The following MAP3K20 variants were observed in gnomAD, a reference collection of about 807,000 sequenced individuals.
The protein encoded by MAP3K20 is mitogen-activated protein kinase kinase kinase 20.
In MAP3K20, 40 loss-of-function variants were observed where a neutral mutation model predicts 85.7. That is an observed-to-expected ratio of 0.47 (90% CI 0.36 to 0.61). The LOEUF (loss-of-function observed/expected upper bound fraction) is 0.61. Among genes scored for constraint, MAP3K20 ranks in the 20% least tolerant of loss-of-function variants. The pLI is 0.00. For missense variants in MAP3K20, 817 were observed against 961.7 expected, an observed-to-expected ratio of 0.85 and a Z score of 1.99; for synonymous variants, 325 against 327.7, an observed-to-expected ratio of 0.99 and a Z score of 0.09.
At chr2:173,239,762 A>AG (rs201079915) in intron 16 of MAP3K20, among the ~76,000 whole-genome samples, 1,748 of 152,302 alleles carry the variant, frequency 0.011, 24 homozygotes, top group South Asian at 0.044. Flanking sequence ...TGGACAGGGA[A>AG]GGGGGGCCGT....
chr2:173,223,987 T>C, intron 11 of MAP3K20: 1 of 985,404 alleles, frequency 1.0e-6, no homozygotes. Context: ...CAACACATAT[T>C]CATAGAGCTC....
chr2:173,225,143 A>C (rs1481426528), intron 11 of MAP3K20: 7 of 984,772 alleles, frequency 7.1e-6, no homozygotes, highest in South Asian at 4.7e-5. Flanking sequence ...CTCCCTAGTC[A>C]TTCTCAACTG....
chr2:173,267,684 T>A lies in MAP3K20; in HGVS notation c.*934T>A, dbSNP rs1440507366. 1 of 152,166 alleles carries A rather than the reference T, an allele frequency of 6.6e-6. No individual in the cohort carries two copies. The highest frequency in any genetic ancestry group is 6.5e-5 in the Admixed American group (1 of 15,278). The allele number at this position is 152,166 out of a possible 1,614,324, so 9.4% of individuals were successfully genotyped here. A position where few individuals can be genotyped will look rare whatever the true frequency, so the allele number is the denominator to read the frequency against. ...GCAAAGAGGATAAAACAACACTCCA[T>A]AAAGGCCTCTTGGGATGTCAGAAAT... On this transcript the variant is annotated 3_prime_UTR_variant, in exon 20 of 20. Coordinates refer to ENST00000375213, the MANE Select transcript of MAP3K20 (RefSeq NM_016653.3).
intron 3 of MAP3K20, among the ~76,000 whole-genome samples, chr2:173,181,229 C>T (rs568429998): frequency 6.6e-6 from 1 of 152,164 alleles, no homozygotes; most frequent in South Asian, 2.1e-4. Flanking sequence ...AAAAAACAGA[C>T]AATACTGCTG....
intron 2 of MAP3K20, among the ~76,000 whole-genome samples, chr2:173,133,488 G>C (rs1468113940): frequency 6.6e-6 from 1 of 152,160 alleles, no homozygotes; most frequent in Non-Finnish European, 1.5e-5. Flanking sequence ...CATAAATTAA[G>C]AGATAGTTGA....
At chr2:173,090,188 A>G (rs886287763) in intron 1 of MAP3K20, among the ~76,000 whole-genome samples, 11 of 152,162 alleles carry the variant, frequency 7.2e-5, no homozygotes, top group African/African-American at 2.4e-4. Flanking sequence ...TCACTAATCT[A>G]TGGTTTGGCA....
At chr2:173,144,433 A>C (rs1689071367) in intron 2 of MAP3K20, among the ~76,000 whole-genome samples, 1 of 140,872 alleles carries the variant, frequency 7.1e-6, no homozygotes, top group African/African-American at 2.6e-5. Context: ...ACTGCACTCC[A>C]GCCTGGGCAA....
intron 2 of MAP3K20, among the ~76,000 whole-genome samples, chr2:173,101,056 T>A (rs1687624333): frequency 6.6e-6 from 1 of 152,154 alleles, no homozygotes; most frequent in Non-Finnish European, 1.5e-5. Flanking sequence ...ATTACTGATA[T>A]GTCTGAAGAT....
intron 17 of MAP3K20, among the ~76,000 whole-genome samples, chr2:173,260,184 T>C (rs929121374): frequency 2.6e-5 from 4 of 152,090 alleles, no homozygotes; most frequent in Non-Finnish European, 5.9e-5. Context: ...CTAGACAACA[T>C]GGTGAAACCC....
rs115119572 is a variant in MAP3K20, at chr2:173,220,312, G to A, written c.987+3062G>A. ...TAAGTTGGCTGTTCAAAATAATTACGTAAAGTAGAAGATAATGTCTGTGAC... is the reference window on the plus strand; with the variant it reads ...TAAGTTGGCTGTTCAAAATAATTACATAAAGTAGAAGATAATGTCTGTGAC... On this transcript the variant is annotated intron_variant, in intron 11 of 19. Coordinates refer to ENST00000375213, the MANE Select transcript of MAP3K20 (RefSeq NM_016653.3). Among the ~76,000 whole-genome samples, 543 of 152,236 alleles carry A rather than the reference G, an allele frequency of 3.6e-3. 4 individuals carry two copies. The highest frequency in any genetic ancestry group is 0.012 in the African/African-American group (515 of 41,546).
intron 11 of MAP3K20, among the ~76,000 whole-genome samples, chr2:173,228,788 T>A (rs935107249): frequency 7.1e-6 from 1 of 141,782 alleles, no homozygotes; most frequent in Non-Finnish European, 1.5e-5. Context: ...ATGATTTTTA[T>A]ACTAACAGTA....
intron 11 of MAP3K20, chr2:173,227,129 A>T (rs1684411391): frequency 1.0e-6 from 1 of 985,822 alleles, no homozygotes; most frequent in Non-Finnish European, 1.2e-6. Flanking sequence ...ATTTTGCAAT[A>T]AACGTTTTGA....
chr2:173,226,403 T>A, intron 11 of MAP3K20: 1 of 985,454 alleles, frequency 1.0e-6, no homozygotes, highest in Non-Finnish European at 1.2e-6. Flanking sequence ...ACCACATATA[T>A]AACAGAGCAT....
intron 2 of MAP3K20, among the ~76,000 whole-genome samples, chr2:173,119,867 A>G (rs1203746991): frequency 6.6e-6 from 1 of 152,198 alleles, no homozygotes; most frequent in East Asian, 1.9e-4. Context: ...AGATTTCATT[A>G]CAGTACACTG....
intron 2 of MAP3K20, among the ~76,000 whole-genome samples, chr2:173,098,575 C>T (rs550309133): frequency 6.6e-6 from 1 of 152,252 alleles, no homozygotes; most frequent in African/African-American, 2.4e-5. Context: ...TGCAAATATT[C>T]CAAAATCTGA....
At chr2:173,134,388 C>CATATACATATACATATACATATACA (rs1333117176) in intron 2 of MAP3K20, among the ~76,000 whole-genome samples, 3 of 43,432 alleles carry the variant, frequency 6.9e-5, no homozygotes, top group African/African-American at 2.8e-4. Context: ...GTGTGTGTCT[C>CATATACATATACATATACATATACA]TATACATATA....
chr2:173,166,408 CTGTT>C (rs1192097658), intron 2 of MAP3K20: 3 of 152,134 alleles, frequency 2.0e-5, no homozygotes, highest in Non-Finnish European at 4.4e-5. Context: ...GTCCAAGTAT[CTGTT>C]TGACTCCCTA....
intron 11 of MAP3K20, chr2:173,227,104 T>C: frequency 4.1e-6 from 4 of 985,908 alleles, no homozygotes; most frequent in Non-Finnish European, 4.8e-6. Context: ...TTGCTTTCCT[T>C]TGTTCTAAGA....
intron 16 of MAP3K20, among the ~76,000 whole-genome samples, chr2:173,241,373 G>A (rs906778907): frequency 2.6e-5 from 4 of 152,172 alleles, no homozygotes; most frequent in African/African-American, 9.7e-5. Context: ...AGCACTTTGG[G>A]AGGCTGAGGC....
Sources: gnomAD v4.1 joint callset for allele counts (sites outside exome capture counted in the v4.1 genomes callset) on GRCh38, gnomAD v4.1.1 for gene constraint, MANE v1.5 for transcripts, NCBI Gene and HGNC (gene_info 2026-07-23, HGNC 2026-07-21) for gene names.